Variants in PTN observed in about 807,000 individuals in gnomAD.
The protein encoded by PTN is pleiotrophin, also known as heparin affin regulatory protein.
In PTN, 18 loss-of-function variants were observed where a neutral mutation model predicts 24.1. That is an observed-to-expected ratio of 0.75 (90% confidence interval 0.52 to 1.11). The LOEUF is 1.11. Ranked by LOEUF, PTN falls within the 50% of genes least tolerant of loss-of-function variation. The probability of loss-of-function intolerance (pLI) is 0.00; values close to 1 mark genes in which losing one functional copy is unlikely to be tolerated. For synonymous variants in PTN, 78 were observed against 68.6 expected (o/e 1.14, Z -0.67); for missense variants, 163 against 198.8 (o/e 0.82, Z 1.08).
At chr7:137,283,645 C>T (rs1809507491) in intron 1 of PTN, among the ~76,000 whole-genome samples, 1 of 152,150 alleles carries the variant, frequency 6.6e-6, no homozygotes, top group Non-Finnish European at 1.5e-5. Flanking sequence ...CCCCCATCCA[C>T]TCTGCTACAT....
At chr7:137,235,391 G>T (rs1808501727) in intron 4 of PTN, among the ~76,000 whole-genome samples, 1 of 152,126 alleles carries the variant, frequency 6.6e-6, no homozygotes, top group African/African-American at 2.4e-5. Context: ...CCAGGTACTG[G>T]TTGGCTAGGC....
At chr7:137,333,900 T>C (rs1810402187) in intron 1 of PTN, among the ~76,000 whole-genome samples, 2 of 152,142 alleles carry the variant, frequency 1.3e-5, no homozygotes, top group Non-Finnish European at 2.9e-5. Context: ...TATCTATAAC[T>C]ATCTGATCTT....
intron 1 of PTN, among the ~76,000 whole-genome samples, chr7:137,295,521 C>G (rs1057114923): frequency 1.3e-5 from 2 of 151,562 alleles, no homozygotes; most frequent in Non-Finnish European, 2.9e-5. Flanking sequence ...GTGGCTAGTC[C>G]GAATGGAGAC....
At chr7:137,275,337 T>C (rs973223753) in intron 1 of PTN, among the ~76,000 whole-genome samples, 7 of 152,156 alleles carry the variant, frequency 4.6e-5, no homozygotes, top group Admixed American at 3.3e-4. Flanking sequence ...AAGAAGAAAG[T>C]ATGGTATAGA....
At chr7:137,338,537 A>T (rs1264275912) in intron 1 of PTN, among the ~76,000 whole-genome samples, 1 of 152,242 alleles carries the variant, frequency 6.6e-6, no homozygotes, top group Non-Finnish European at 1.5e-5. Context: ...TCTCATAAAA[A>T]TGTGATCCCT....
At position 137,288,191 on chromosome 7, in the gene PTN, A is replaced by G. The variant is rs187320587; in HGVS notation, c.-1-33217T>C. On this transcript the variant is annotated intron_variant, in intron 1 of 4. Coordinates refer to ENST00000348225, the MANE Select transcript of PTN (RefSeq NM_002825.7). The stretch of plus-strand genomic sequence containing the variant: ...TGAAGGTCTCAAAGTGAGTCTTAAT[A>G]AATGAATTGTTTAATAAACAAGCTG... Among the ~76,000 whole-genome samples, 530 of 152,342 alleles carry G rather than the reference A, an allele frequency of 3.5e-3. 4 individuals are homozygous for G. The highest frequency in any genetic ancestry group is 6.4e-3 in the Non-Finnish European group (436 of 68,028).
In PTN at chr7:137,234,557, A is replaced by G. The variant is rs549277628; in HGVS notation, c.452-6482T>C. On this transcript the variant is annotated intron_variant, in intron 4 of 4. Coordinates refer to ENST00000348225, the MANE Select transcript of PTN (RefSeq NM_002825.7). The stretch of plus-strand genomic sequence containing the variant: ...CAAGCCTTTTGGAAATAGAATTGCC[A>G]TGTAGTTGGTATAAGTAAACATCAA... Among the ~76,000 whole-genome samples, 8 of 152,218 alleles carry G rather than the reference A, an allele frequency of 5.3e-5. No homozygotes were observed. The South Asian group carries it at 1.7e-3, about 32-fold the overall frequency.
intron 4 of PTN, among the ~76,000 whole-genome samples, chr7:137,233,160 G>A (rs1225174838): frequency 2.6e-5 from 4 of 151,858 alleles, no homozygotes; most frequent in East Asian, 1.9e-4. Context: ...AAATGCTAAC[G>A]TATTAAGTGA....
At chr7:137,293,748 T>C (rs115821799) in intron 1 of PTN, among the ~76,000 whole-genome samples, 1,706 of 152,184 alleles carry the variant, frequency 0.011, 24 homozygotes, top group African/African-American at 0.035. Flanking sequence ...ACCAGAGTGG[T>C]ACATATGTTA....
At chr7:137,234,561 AG>A (rs1180636899) in intron 4 of PTN, among the ~76,000 whole-genome samples, 1 of 152,072 alleles carries the variant, frequency 6.6e-6, no homozygotes, top group African/African-American at 2.4e-5. Flanking sequence ...ATTGCCATGT[AG>A]TTGGTATAAG....
At chr7:137,280,725 A>AAAAAAAAAAAAAAAAAAT (rs71176392) in intron 1 of PTN, among the ~76,000 whole-genome samples, 1 of 138,396 alleles carries the variant, frequency 7.2e-6, no homozygotes. Context: ...AAAAAAAAAA[A>AAAAAAAAAAAAAAAAAAT]GCTGAGTGTG....
intron 1 of PTN, among the ~76,000 whole-genome samples, chr7:137,284,984 A>G (rs991629394): frequency 1.3e-5 from 2 of 152,204 alleles, no homozygotes; most frequent in African/African-American, 4.8e-5. Context: ...AACTTAAATA[A>G]ATATTAGAAG....
intron 4 of PTN, among the ~76,000 whole-genome samples, chr7:137,230,067 T>C (rs1231658249): frequency 1.3e-5 from 2 of 151,788 alleles, no homozygotes; most frequent in Admixed American, 1.3e-4. Context: ...GATATCTAAG[T>C]AGCAATTTTC....
At chr7:137,257,770 A>G (rs1459673303) in intron 1 of PTN, among the ~76,000 whole-genome samples, 1 of 152,202 alleles carries the variant, frequency 6.6e-6, no homozygotes, top group East Asian at 1.9e-4. Flanking sequence ...GGTTGTTGAG[A>G]ATTAGATTAC....
intron 4 of PTN, among the ~76,000 whole-genome samples, chr7:137,240,361 G>A (rs1417612170): frequency 1.3e-5 from 2 of 151,870 alleles, no homozygotes; most frequent in African/African-American, 4.8e-5. Context: ...CAATGCTAAA[G>A]GACTCTCCAC....
intron 1 of PTN, among the ~76,000 whole-genome samples, chr7:137,309,757 T>C (rs1809949658): frequency 6.6e-6 from 1 of 152,164 alleles, no homozygotes; most frequent in South Asian, 2.1e-4. Context: ...CAGCAATATT[T>C]TCAGGCTCCA....
chr7:137,286,637 A>C (rs1809558342), intron 1 of PTN, among the ~76,000 whole-genome samples: 1 of 152,214 alleles, frequency 6.6e-6, no homozygotes, highest in African/African-American at 2.4e-5. Flanking sequence ...TAGACTGAAC[A>C]AATTTATAGT....
At chr7:137,308,518 C>T (rs1185893554) in intron 1 of PTN, among the ~76,000 whole-genome samples, 3 of 152,098 alleles carry the variant, frequency 2.0e-5, no homozygotes, top group South Asian at 2.1e-4. Flanking sequence ...CTTTCTTTTT[C>T]GTGGTAGATT....
chr7:137,227,909 T>C lies in PTN; in HGVS notation c.*111A>G. The C allele has an allele frequency of 7.0e-7, 1 of 1,423,762 alleles. No homozygotes were observed. The highest frequency in any genetic ancestry group is 9.3e-7 in the Non-Finnish European group (1 of 1,070,126). The allele number at this position is 1,423,762 out of a possible 1,614,324, so 88.2% of individuals were successfully genotyped here. On this transcript the variant is annotated 3_prime_UTR_variant, in exon 5 of 5. Coordinates refer to ENST00000348225, the MANE Select transcript of PTN (RefSeq NM_002825.7). ...CTTTTCTTTTTGTTTTTGCTTATTGTGTACTTAGCTATAGATAATTTTTGA... is the reference window on the plus strand; with the variant it reads ...CTTTTCTTTTTGTTTTTGCTTATTGCGTACTTAGCTATAGATAATTTTTGA...
Sources: allele counts gnomAD v4.1 joint callset (sites outside exome capture counted in the v4.1 genomes callset), GRCh38; gene constraint gnomAD v4.1.1; transcripts MANE v1.5; gene names NCBI Gene and HGNC (gene_info 2026-07-23, HGNC 2026-07-21).